The following GLDN variants were observed in gnomAD, a reference collection of about 807,000 sequenced individuals.
GLDN encodes the protein collomin.
A neutral mutation model predicts 56.5 loss-of-function variants in GLDN; 47 were observed. The observed-to-expected ratio is 0.83, with a 90% CI of 0.66 to 1.06. The LOEUF (loss-of-function observed/expected upper bound fraction) is 1.06, where lower values mean the gene tolerates loss of function less well. Among genes scored for constraint, GLDN ranks in the 50% least tolerant of loss-of-function variants. GLDN has a pLI of 0.00. For missense variants in GLDN, 782 were observed against 714.3 expected, an observed-to-expected ratio of 1.09 and a Z score of -1.08; for synonymous variants, 332 against 278.8, an observed-to-expected ratio of 1.19 and a Z score of -1.90.
In GLDN at chr15:51,341,675, C is replaced by T. The variant is rs1214407351; in HGVS notation, c.-10C>T. 1.4e-6 allele frequency: 2 copies of T among 1,399,658 alleles called. No individual in the cohort carries two copies. The highest frequency in any genetic ancestry group is 1.5e-5 in the African/African-American group (1 of 66,348). 86.7% of individuals were successfully genotyped at this position (1,399,658 alleles called of 1,614,324 possible). ...CTGCCAAGCCCTGCCCTGCCCAAGG[C>T]GCATAGAGCATGGCCCGAGGCGCTG... is the stretch of plus-strand genomic sequence containing the variant. On this transcript the variant is annotated 5_prime_UTR_variant, in exon 1 of 10. Transcript: ENST00000335449.
chr15:51,404,569 AG>A lies in GLDN; in HGVS notation c.1474del (p.Val492SerfsTer8), dbSNP rs758139119. The A allele has an allele frequency of 1.9e-6, 3 of 1,614,194 alleles. No individual in the cohort carries two copies. Among genetic ancestry groups the A allele is most frequent in the Non-Finnish European group, 2.5e-6 (3 of 1,180,034 alleles). ...ILYVTDTKDM[R>X]VTFAFDLLGG... is the part of the protein sequence containing the mutation. The stretch of plus-strand genomic sequence containing the variant: ...CTATGTCACAGACACCAAAGATATG[AG>A]GGTCACATTTGCCTTTGATTTGTTA... On this transcript the variant is annotated frameshift_variant, in exon 10 of 10. Transcript: ENST00000335449. LOFTEE classifies it high-confidence loss of function.
chr15:51,371,129 G>T (rs2141078468), intron 1 of GLDN, among the ~76,000 whole-genome samples: 1 of 152,314 alleles, frequency 6.6e-6, no homozygotes, highest in East Asian at 1.9e-4. Flanking sequence ...AACATCTAGG[G>T]ATTATTTATC....
intron 1 of GLDN, among the ~76,000 whole-genome samples, chr15:51,348,987 T>G (rs779004470): frequency 1.2e-4 from 18 of 152,296 alleles, no homozygotes; most frequent in Non-Finnish European, 2.6e-4. Flanking sequence ...TGGGTTTGGT[T>G]TCAGTTTTTT....
chr15:51,347,682 A>G (rs992037852), intron 1 of GLDN, among the ~76,000 whole-genome samples: 2 of 152,268 alleles, frequency 1.3e-5, no homozygotes, highest in South Asian at 4.1e-4. Flanking sequence ...GGAAAAAATT[A>G]CAAATACTCT....
rs762933460 is a variant in GLDN, at chr15:51,341,930, A to G, written c.246A>G (p.Pro82=). ...GCGCGCCGCGCGGGGCGTCCGCACC[A>G]CCCCAAGACCCGGCCAGCTCAGCTC... ...LSRAPRGASA[P]PQDPASSARN... Residue 82 remains proline (P), a synonymous_variant, in exon 1 of 10, where the codon CCA becomes CCG. Coordinates refer to ENST00000335449, the MANE Select transcript of GLDN (RefSeq NM_181789.4). 1.0e-5 allele frequency: 16 copies of G among 1,596,084 alleles called. No individual in the cohort carries two copies. The highest frequency in any genetic ancestry group is 1.7e-5 in the Admixed American group (1 of 59,894).
chr15:51,390,301 G>A (rs1437626015), intron 4 of GLDN, among the ~76,000 whole-genome samples: 1 of 152,228 alleles, frequency 6.6e-6, no homozygotes, highest in Non-Finnish European at 1.5e-5. Context: ...TCGGGAAGGA[G>A]AAACTTTATT....
At chr15:51,353,223 A>G (rs1486024424) in intron 1 of GLDN, among the ~76,000 whole-genome samples, 3 of 151,854 alleles carry the variant, frequency 2.0e-5, no homozygotes, top group Admixed American at 2.0e-4. Flanking sequence ...ACCAATCAGC[A>G]TTTCCCATTT....
chr15:51,384,640 TG>T, intron 4 of GLDN: 1 of 153,182 alleles, frequency 6.5e-6, no homozygotes, highest in Non-Finnish European at 1.5e-5. Context: ...GCACCAGTCC[TG>T]GGGAGCCGGG....
intron 1 of GLDN, among the ~76,000 whole-genome samples, chr15:51,354,068 A>T (rs1369556556): frequency 6.6e-6 from 1 of 152,220 alleles, no homozygotes; most frequent in Admixed American, 6.5e-5. Context: ...TCTGAAAGGT[A>T]GCCTTAAAAC....
At chr15:51,365,780 T>C (rs1012905693) in intron 1 of GLDN, among the ~76,000 whole-genome samples, 1 of 151,268 alleles carries the variant, frequency 6.6e-6, no homozygotes, top group South Asian at 2.1e-4. Flanking sequence ...CTTTCATTCT[T>C]GGGTTCTTCT....
chr15:51,394,910 A>C lies in GLDN; in HGVS notation c.617A>C (p.Asn206Thr), dbSNP rs2038093375. ...CATGGTGAACTGGGCCTGCAGGGAAATGAGGGCCCACCAGGGCAGAAGGGA... is the reference window on the plus strand; with the variant it reads ...CATGGTGAACTGGGCCTGCAGGGAACTGAGGGCCCACCAGGGCAGAAGGGA... ...GDHGELGLQG[N>T]EGPPGQKGEK... The change falls in exon 5 of 10, where the codon AAT becomes ACT. Residue 206 changes from asparagine to threonine, a missense_variant. Coordinates refer to ENST00000335449, the MANE Select transcript of GLDN (RefSeq NM_181789.4). 25 of 1,613,022 alleles carry C rather than the reference A, an allele frequency of 1.5e-5. No individual in the cohort carries two copies. In the Admixed American group the frequency reaches 4.0e-4, roughly 26 times the overall value.
At chr15:51,382,649 C>T (rs1442575794) in intron 2 of GLDN, among the ~76,000 whole-genome samples, 2 of 151,138 alleles carry the variant, frequency 1.3e-5, no homozygotes, top group Non-Finnish European at 3.0e-5. Flanking sequence ...TGGCATGAAC[C>T]CAGGAGGCGG....
chr15:51,398,343 C>T (rs1479132339), intron 6 of GLDN, among the ~76,000 whole-genome samples: 1 of 152,208 alleles, frequency 6.6e-6, no homozygotes, highest in Non-Finnish European at 1.5e-5. Context: ...GCACAGTGGC[C>T]ACAGGGTTGA....
chr15:51,367,833 A>G (rs1286360214), intron 1 of GLDN, among the ~76,000 whole-genome samples: 1 of 152,098 alleles, frequency 6.6e-6, no homozygotes, highest in African/African-American at 2.4e-5. Context: ...CTGACTCAAG[A>G]TAGTGTGAAA....
chr15:51,400,555 T>G, intron 8 of GLDN, 57 bp downstream of exon 8: 1 of 1,567,562 alleles, frequency 6.4e-7, no homozygotes, highest in Non-Finnish European at 8.7e-7. Flanking sequence ...TTTCATCTGT[T>G]GCCTACCTTT....
chr15:51,398,334 C>G (rs2141128336), intron 6 of GLDN, among the ~76,000 whole-genome samples: 1 of 152,338 alleles, frequency 6.6e-6, no homozygotes. Context: ...CAATTTGTGG[C>G]ACAGTGGCCA....
At chr15:51,343,901 C>T (rs899321699) in intron 1 of GLDN, among the ~76,000 whole-genome samples, 2 of 152,162 alleles carry the variant, frequency 1.3e-5, no homozygotes, top group African/African-American at 4.8e-5. Flanking sequence ...AGTCCTCTGA[C>T]CCTCATCCCC....
chr15:51,355,380 T>C (rs189830502), intron 1 of GLDN, among the ~76,000 whole-genome samples: 17 of 152,314 alleles, frequency 1.1e-4, no homozygotes, highest in African/African-American at 4.1e-4. Context: ...TAAACTGTCA[T>C]GGTGCTGGTG....
chr15:51,381,185 G>A (rs17524415), intron 2 of GLDN, among the ~76,000 whole-genome samples: 17,338 of 152,208 alleles, frequency 0.11, 1,324 homozygotes, highest in Non-Finnish European at 0.17. Context: ...TACAGCTTCA[G>A]CCGGGAGCTC....
Sources: allele counts gnomAD v4.1 joint callset (sites outside exome capture counted in the v4.1 genomes callset), GRCh38; gene constraint gnomAD v4.1.1; transcripts MANE v1.5; gene names NCBI Gene and HGNC (gene_info 2026-07-23, HGNC 2026-07-21).